NELL1: variants seen among roughly 807,000 people sequenced by gnomAD.
NELL1 encodes the protein protein kinase C-binding protein NELL1.
Under a neutral mutation model 107.4 loss-of-function variants are expected in NELL1, and 76 were observed. That is an observed-to-expected ratio of 0.71 (90% CI 0.59 to 0.86). The LOEUF (loss-of-function observed/expected upper bound fraction) is 0.86, where lower values mean the gene tolerates loss of function less well. NELL1 is among the 40% of genes least tolerant of loss of function. The pLI, the probability that NELL1 is intolerant of heterozygous loss-of-function variation, is 0.00. For synonymous variants in NELL1, 353 were observed against 341.2 expected (o/e 1.03, Z -0.38); for missense variants, 1,024 against 1,005.5 (o/e 1.02, Z -0.25).
chr11:20,718,613 A>G (rs916176360), intron 2 of NELL1, among the ~76,000 whole-genome samples: 9 of 152,108 alleles, frequency 5.9e-5, no homozygotes, highest in African/African-American at 1.9e-4. Flanking sequence ...TTAGGTGTCA[A>G]ACCTAAAACA....
At chr11:20,672,593 A>C (rs1414055674) in intron 1 of NELL1, among the ~76,000 whole-genome samples, 1 of 152,230 alleles carries the variant, frequency 6.6e-6, no homozygotes, top group Non-Finnish European at 1.5e-5. Context: ...TGGTTGAGAA[A>C]TAATTCAGAG....
chr11:20,972,701 A>G (rs12276701), intron 12 of NELL1, among the ~76,000 whole-genome samples: 19,594 of 152,152 alleles, frequency 0.13, 1,476 homozygotes, highest in East Asian at 0.25. Context: ...GAGGCATTGT[A>G]GGCCTTGTGA....
intron 3 of NELL1, among the ~76,000 whole-genome samples, chr11:20,804,081 C>T (rs1321486120): frequency 1.5e-5 from 2 of 136,472 alleles, no homozygotes; most frequent in African/African-American, 2.7e-5. Flanking sequence ...ATATATATTC[C>T]ATTAGTTCTG....
In NELL1 at chr11:20,810,146, C is replaced by A. The variant is rs530995997; in HGVS notation, c.335+26316C>A. 5.3e-5 allele frequency among the ~76,000 whole-genome samples: 8 copies of A among 151,994 alleles called. No homozygotes were observed. The East Asian group carries it at 1.5e-3, about 29-fold the overall frequency. Reference sequence around the variant, plus strand: ...CATATATCTGTTAGCCATTTGTATGCAAATTTGAGAAATGTCTACTCAGGT... The same window carrying A: ...CATATATCTGTTAGCCATTTGTATGAAAATTTGAGAAATGTCTACTCAGGT... On this transcript the variant is annotated intron_variant, in intron 3 of 19. Coordinates refer to ENST00000357134, the MANE Select transcript of NELL1 (RefSeq NM_006157.5).
At chr11:20,873,826 C>T (rs1160992117) in intron 4 of NELL1, among the ~76,000 whole-genome samples, 1 of 148,596 alleles carries the variant, frequency 6.7e-6, no homozygotes, top group East Asian at 2.0e-4. Context: ...TCCATCGGTG[C>T]AGTCACAGCT....
chr11:20,940,809 T>C (rs761608072), intron 10 of NELL1, among the ~76,000 whole-genome samples: 3 of 152,162 alleles, frequency 2.0e-5, no homozygotes, highest in Non-Finnish European at 4.4e-5. Flanking sequence ...CCAGCTGTCA[T>C]AATAAGACTT....
At chr11:21,496,413 T>TTTTTTTTTTTTTTTTTTTTTTA (rs1854981721) in intron 15 of NELL1, among the ~76,000 whole-genome samples, 1 of 150,106 alleles carries the variant, frequency 6.7e-6, no homozygotes, top group Admixed American at 6.6e-5. Context: ...CTCTTGTTTT[T>TTTTTTTTTTTTTTTTTTTTTTA]TTTTTTTTTT....
At chr11:21,083,106 TG>T (rs1481626288) in intron 12 of NELL1, among the ~76,000 whole-genome samples, 1 of 152,202 alleles carries the variant, frequency 6.6e-6, no homozygotes, top group Non-Finnish European at 1.5e-5. Flanking sequence ...AGCTCTTGGC[TG>T]AAGTAGAGAG....
At chr11:21,145,648 C>T (rs959084440) in intron 13 of NELL1, among the ~76,000 whole-genome samples, 2 of 152,178 alleles carry the variant, frequency 1.3e-5, no homozygotes, top group African/African-American at 4.8e-5. Context: ...ATCTCTTCCA[C>T]ATGTCTTAGA....
chr11:21,032,640 A>G (rs764256501), intron 12 of NELL1, among the ~76,000 whole-genome samples: 3 of 152,220 alleles, frequency 2.0e-5, no homozygotes, highest in South Asian at 2.1e-4. Context: ...CACCCGCCCC[A>G]GCCTCTCAAA....
At chr11:20,979,457 A>C (rs61880762) in intron 12 of NELL1, among the ~76,000 whole-genome samples, 6,982 of 152,254 alleles carry the variant, frequency 0.046, 180 homozygotes, top group East Asian at 0.083. Flanking sequence ...TGTAAATAGC[A>C]TGTTTTATGA....
intron 16 of NELL1, among the ~76,000 whole-genome samples, chr11:21,549,867 G>C (rs1277260331): frequency 2.0e-5 from 3 of 151,806 alleles, no homozygotes; most frequent in East Asian, 3.9e-4. Flanking sequence ...AAACAGAAAT[G>C]AACTTCAATT....
intron 12 of NELL1, among the ~76,000 whole-genome samples, chr11:21,105,557 G>A (rs749596610): frequency 9.9e-5 from 15 of 152,258 alleles, no homozygotes; most frequent in East Asian, 3.9e-4. Context: ...CCTAGGGCCC[G>A]GATAGCCTTT....
chr11:21,000,933 G>A (rs1357569294), intron 12 of NELL1: 2 of 151,952 alleles, frequency 1.3e-5, no homozygotes. Flanking sequence ...TACTAACCAG[G>A]CCTGACCCTG....
chr11:21,269,024 G>A (rs1174000008), intron 14 of NELL1, among the ~76,000 whole-genome samples: 1 of 151,866 alleles, frequency 6.6e-6, no homozygotes, highest in Admixed American at 6.6e-5. Flanking sequence ...TGCCTTTTTT[G>A]TGCTAATTAG....
At chr11:20,691,821 C>G (rs537716969) in intron 2 of NELL1, among the ~76,000 whole-genome samples, 1 of 152,064 alleles carries the variant, frequency 6.6e-6, no homozygotes, top group Non-Finnish European at 1.5e-5. Context: ...GGAGGATTCC[C>G]TCTTTTTCTA....
rs117946320 is a variant in NELL1 at position 21,053,479 on chromosome 11, A to G, written c.1301-60110A>G. On this transcript the variant is annotated intron_variant, in intron 12 of 19. Coordinates refer to ENST00000357134, the MANE Select transcript of NELL1 (RefSeq NM_006157.5). The stretch of plus-strand genomic sequence containing the variant: ...GATGACCCATTTTGAACTTAATTGC[A>G]CTCTTACAGCTTTGAGCTTTCTTCA... 4.2e-3 allele frequency among the ~76,000 whole-genome samples: 635 copies of G among 152,062 alleles called. 4 individuals are homozygous for G. Among genetic ancestry groups the G allele is most frequent in the Non-Finnish European group, 6.7e-3 (456 of 67,982 alleles).
intron 15 of NELL1, among the ~76,000 whole-genome samples, chr11:21,532,086 A>C (rs1856003789): frequency 6.6e-6 from 1 of 152,190 alleles, no homozygotes; most frequent in Non-Finnish European, 1.5e-5. Context: ...AGGCACCAGC[A>C]TGTGATGTGA....
At chr11:20,769,600 T>G (rs1383159530) in intron 2 of NELL1, 2 of 152,372 alleles carry the variant, frequency 1.3e-5, no homozygotes, top group African/African-American at 2.4e-5. Flanking sequence ...GGGTGAGTGA[T>G]TGAATTTTGG....
Sources: allele counts gnomAD v4.1 joint callset (sites outside exome capture counted in the v4.1 genomes callset), GRCh38; gene constraint gnomAD v4.1.1; transcripts MANE v1.5; gene names NCBI Gene and HGNC (gene_info 2026-07-23, HGNC 2026-07-21).